SIPA1L3: variants seen among roughly 807,000 people sequenced by gnomAD.
SIPA1L3 encodes signal induced proliferation associated 1 like 3, also known as signal-induced proliferation-associated 1-like protein 3.
In SIPA1L3, 59 loss-of-function variants were observed where a neutral mutation model predicts 150.1. That is an observed-to-expected ratio of 0.39 (90% confidence interval 0.32 to 0.49). SIPA1L3 has a LOEUF of 0.49. Among genes scored for constraint, SIPA1L3 ranks in the 20% least tolerant of loss-of-function variants. The pLI is 0.86. For missense variants in SIPA1L3, 2,211 were observed against 2,489.5 expected, an observed-to-expected ratio of 0.89 and a Z score of 2.38; for synonymous variants, 1,070 against 1,077.6, an observed-to-expected ratio of 0.99 and a Z score of 0.14.
At chr19:38,108,315 C>G (rs961511471) in intron 7 of SIPA1L3, among the ~76,000 whole-genome samples, 1 of 152,064 alleles carries the variant, frequency 6.6e-6, no homozygotes, top group Non-Finnish European at 1.5e-5. Flanking sequence ...CAGGCTCTTT[C>G]CCTCCATCAC....
At chr19:38,053,063 C>G (rs1050586500) in intron 2 of SIPA1L3, among the ~76,000 whole-genome samples, 1 of 152,228 alleles carries the variant, frequency 6.6e-6, no homozygotes, top group African/African-American at 2.4e-5. Flanking sequence ...GCGGGCAGCT[C>G]TGTACTCAGC....
rs754913891 is a variant in SIPA1L3, at chr19:38,110,391, C to T, written c.2291+7C>T. On this transcript the variant is annotated splice_region_variant and intron_variant, in intron 8 of 21. Coordinates refer to ENST00000222345, the MANE Select transcript of SIPA1L3 (RefSeq NM_015073.3). ...CTGATAACGTCTGTTACAGGTATGC[C>T]CCCCACACCCGGCCCCCAGCAGCGT... 2 of 1,608,930 alleles carry T rather than the reference C, an allele frequency of 1.2e-6. No individual in the cohort carries two copies. Among genetic ancestry groups the T allele is most frequent in the Non-Finnish European group, 1.7e-6 (2 of 1,176,168 alleles).
chr19:38,105,087 G>A (rs943143558), intron 6 of SIPA1L3, among the ~76,000 whole-genome samples: 20 of 152,132 alleles, frequency 1.3e-4, no homozygotes, highest in African/African-American at 4.3e-4. Context: ...GCCAGGCACA[G>A]TGGCTCACGC....
chr19:38,026,435 T>C (rs958981289), intron 1 of SIPA1L3, among the ~76,000 whole-genome samples: 5 of 152,142 alleles, frequency 3.3e-5, no homozygotes, highest in Admixed American at 1.3e-4. Flanking sequence ...CAGTGGCTTT[T>C]TGGCCAGACT....
chr19:37,994,869 A>G (rs1331006300), intron 1 of SIPA1L3, among the ~76,000 whole-genome samples: 1 of 152,112 alleles, frequency 6.6e-6, no homozygotes, highest in African/African-American at 2.4e-5. Context: ...CCCATTGCAA[A>G]CATCCTGGAG....
At position 38,012,528 on chromosome 19, in the gene SIPA1L3, T is replaced by C. The variant is rs568412382; in HGVS notation, c.-378-16561T>C. Among the ~76,000 whole-genome samples the C allele has an allele frequency of 2.0e-5, 3 of 152,288 alleles. No individual in the cohort carries two copies. The East Asian group carries it at 5.8e-4, about 29-fold the overall frequency. On this transcript the variant is annotated intron_variant, in intron 1 of 21. Transcript: ENST00000222345. ...TGGGGTGAGGGGCAGAACTGTCTCC[T>C]GGGCTGTGGAACAGCAGCATCCAAC...
At chr19:37,991,803 G>C (rs1415480192) in intron 1 of SIPA1L3, among the ~76,000 whole-genome samples, 1 of 152,190 alleles carries the variant, frequency 6.6e-6, no homozygotes, top group Non-Finnish European at 1.5e-5. Context: ...CTAGGACCGG[G>C]GTGGGGTTTG....
intron 15 of SIPA1L3, among the ~76,000 whole-genome samples, chr19:38,173,294 C>A (rs892913617): frequency 6.6e-6 from 1 of 152,212 alleles, no homozygotes; most frequent in East Asian, 1.9e-4. Flanking sequence ...CGGCCCTTGC[C>A]GTGGAAGCAG....
At chr19:38,133,404 G>A (rs749712725) in intron 10 of SIPA1L3, among the ~76,000 whole-genome samples, 18 of 152,200 alleles carry the variant, frequency 1.2e-4, no homozygotes, top group Admixed American at 2.0e-4. Context: ...TTCAGTAACC[G>A]TTTAGTTACC....
At chr19:38,013,788 C>A (rs907074879) in intron 1 of SIPA1L3, among the ~76,000 whole-genome samples, 2 of 152,208 alleles carry the variant, frequency 1.3e-5, no homozygotes, top group Non-Finnish European at 2.9e-5. Context: ...AAAACAAATG[C>A]CCATTTTTCA....
chr19:38,152,804 C>G, intron 12 of SIPA1L3, 36 bp from the exon 13 acceptor site: 1 of 1,586,460 alleles, frequency 6.3e-7, no homozygotes, highest in Non-Finnish European at 8.6e-7. Context: ...ATAGGCTGAT[C>G]TTTAACCCTG....
intron 19 of SIPA1L3, chr19:38,200,534 A>G (rs1020977624): frequency 6.6e-6 from 1 of 152,164 alleles, no homozygotes; most frequent in Non-Finnish European, 1.5e-5. Context: ...CCTGTCTCTT[A>G]AAAAACAGAT....
intron 1 of SIPA1L3, among the ~76,000 whole-genome samples, chr19:37,913,597 TG>T (rs2046392880): frequency 6.6e-6 from 1 of 152,154 alleles, no homozygotes; most frequent in Non-Finnish European, 1.5e-5. Flanking sequence ...GGTTTTGCCA[TG>T]TTAGCCAGGC....
chr19:38,016,410 G>A (rs1968231688), intron 1 of SIPA1L3, among the ~76,000 whole-genome samples: 1 of 152,312 alleles, frequency 6.6e-6, no homozygotes, highest in South Asian at 2.1e-4. Context: ...CCACTGGTGG[G>A]TAGTGGTCCA....
intron 1 of SIPA1L3, among the ~76,000 whole-genome samples, chr19:38,021,982 C>G (rs1968381718): frequency 6.6e-6 from 1 of 152,166 alleles, no homozygotes; most frequent in South Asian, 2.1e-4. Context: ...TTTCCTTTTT[C>G]ATTTAGGTCT....
intron 15 of SIPA1L3, among the ~76,000 whole-genome samples, chr19:38,167,461 G>C (rs1173671212): frequency 3.3e-5 from 5 of 152,116 alleles, no homozygotes; most frequent in Non-Finnish European, 5.9e-5. Flanking sequence ...GGGTCTCCTT[G>C]AGTCAAAGAG....
chr19:38,000,355 C>T (rs2145655498), intron 1 of SIPA1L3, among the ~76,000 whole-genome samples: 1 of 151,960 alleles, frequency 6.6e-6, no homozygotes, highest in East Asian at 1.9e-4. Context: ...ATAATCCCAG[C>T]TACTCTGGAG....
At chr19:38,023,051 G>C (rs1284874298) in intron 1 of SIPA1L3, among the ~76,000 whole-genome samples, 2 of 152,244 alleles carry the variant, frequency 1.3e-5, no homozygotes, top group African/African-American at 2.4e-5. Context: ...CCAATCTGCT[G>C]TGTGTGGAAT....
chr19:38,153,792 G>T (rs1971881685), intron 13 of SIPA1L3, among the ~76,000 whole-genome samples: 2 of 151,874 alleles, frequency 1.3e-5, no homozygotes, highest in African/African-American at 4.8e-5. Context: ...AAATTAGCCA[G>T]GCGTGGTGGT....
Sources: gnomAD v4.1 joint callset for allele counts (sites outside exome capture counted in the v4.1 genomes callset) on GRCh38, gnomAD v4.1.1 for gene constraint, MANE v1.5 for transcripts, NCBI Gene and HGNC (gene_info 2026-07-23, HGNC 2026-07-21) for gene names.